The following CAMTA1 variants were observed in gnomAD, a reference collection of about 807,000 sequenced individuals.
The protein encoded by CAMTA1 is calmodulin binding transcription activator 1, also known as calmodulin-binding transcription activator 1.
In CAMTA1, 27 loss-of-function variants were observed where a neutral mutation model predicts 170.9. That is an observed-to-expected ratio of 0.16 (90% CI 0.12 to 0.22). The LOEUF (loss-of-function observed/expected upper bound fraction) is 0.22. Ranked by LOEUF, CAMTA1 falls within the 10% of genes least tolerant of loss-of-function variation. The probability of loss-of-function intolerance (pLI) is 1.00; values close to 1 mark genes in which losing one functional copy is unlikely to be tolerated. For synonymous variants in CAMTA1, 833 were observed against 891.5 expected, an observed-to-expected ratio of 0.93 and a Z score of 1.17; for missense variants, 1,619 against 2,217.2, an observed-to-expected ratio of 0.73 and a Z score of 5.42.
intron 5 of CAMTA1, among the ~76,000 whole-genome samples, chr1:7,307,087 A>G (rs973475565): frequency 6.6e-6 from 1 of 151,898 alleles, no homozygotes. Flanking sequence ...GGACAACCAT[A>G]TATCTCTCCA....
At chr1:6,908,546 A>C (rs1432181077) in intron 3 of CAMTA1, among the ~76,000 whole-genome samples, 1 of 152,244 alleles carries the variant, frequency 6.6e-6, no homozygotes, top group South Asian at 2.1e-4. Flanking sequence ...GGAGGCTCTT[A>C]GGAAAGTGGC....
intron 4 of CAMTA1, among the ~76,000 whole-genome samples, chr1:7,143,765 G>A (rs1020795711): frequency 1.1e-4 from 16 of 152,112 alleles, no homozygotes; most frequent in African/African-American, 3.9e-4. Flanking sequence ...TGACTTTTAG[G>A]GATTCAGATA....
At chr1:7,492,628 C>T (rs1011263013) in intron 6 of CAMTA1, among the ~76,000 whole-genome samples, 13 of 150,526 alleles carry the variant, frequency 8.6e-5, no homozygotes, top group South Asian at 2.1e-4. Flanking sequence ...TACATACACG[C>T]GCACACAAAC....
chr1:7,600,331 A>G (rs2095430402), intron 6 of CAMTA1, among the ~76,000 whole-genome samples: 1 of 152,026 alleles, frequency 6.6e-6, no homozygotes, highest in Admixed American at 6.5e-5. Flanking sequence ...GTGCTGCTGG[A>G]TTCAGTTTGC....
At chr1:7,126,620 A>G (rs1294099020) in intron 4 of CAMTA1, among the ~76,000 whole-genome samples, 1 of 152,248 alleles carries the variant, frequency 6.6e-6, no homozygotes, top group Non-Finnish European at 1.5e-5. Flanking sequence ...TTGTATTAAA[A>G]TAATGAATAA....
At position 7,467,349 on chromosome 1, in the gene CAMTA1, CT is replaced by C. The variant is rs979114495; in HGVS notation, c.439-480del. On this transcript the variant is annotated intron_variant, in intron 5 of 22. Transcript: ENST00000303635. The stretch of plus-strand genomic sequence containing the variant: ...GAAGTGCCGCCCCACCCTGTCCCCC[CT>C]GGTTGGGCTCGTACCGGCCAGGGCC... Among the ~76,000 whole-genome samples, 6 of 152,316 alleles carry C rather than the reference CT, an allele frequency of 3.9e-5. No homozygotes were observed. In the East Asian group the frequency reaches 9.7e-4, roughly 25 times the overall value.
At chr1:7,212,670 G>C (rs1418833704) in intron 4 of CAMTA1, among the ~76,000 whole-genome samples, 1 of 152,088 alleles carries the variant, frequency 6.6e-6, no homozygotes, top group Admixed American at 6.6e-5. Flanking sequence ...TCACAGCCAG[G>C]ATACTTGATG....
intron 3 of CAMTA1, among the ~76,000 whole-genome samples, chr1:6,831,151 T>C (rs1433679381): frequency 1.3e-5 from 2 of 152,174 alleles, no homozygotes; most frequent in Non-Finnish European, 2.9e-5. Context: ...TATTAGTATG[T>C]GGACTATGGA....
intron 4 of CAMTA1, among the ~76,000 whole-genome samples, chr1:7,247,655 C>T (rs980521997): frequency 6.6e-6 from 1 of 152,122 alleles, no homozygotes; most frequent in African/African-American, 2.4e-5. Flanking sequence ...AAACAAGTTC[C>T]CTTGCTTATT....
intron 6 of CAMTA1, among the ~76,000 whole-genome samples, chr1:7,567,235 T>C (rs2150307578): frequency 6.6e-6 from 1 of 152,248 alleles, no homozygotes; most frequent in Admixed American, 6.5e-5. Flanking sequence ...CCACTCACCA[T>C]GGAAGCATGG....
Position 7,463,564 on chromosome 1 carries a change from C to G in CAMTA1, c.439-4266C>G, listed in dbSNP as rs1179104829. On this transcript the variant is annotated intron_variant, in intron 5 of 22. Coordinates refer to ENST00000303635, the MANE Select transcript of CAMTA1 (RefSeq NM_015215.4). The surrounding 1 kb of genome is among the most constrained non-coding windows in gnomAD (Gnocchi z 4.7). ...AGACAGAGAGAGAAAGAAGATGAGACAGATACAGAGATAGAGAAAGATAGA... is the reference window on the plus strand; with the variant it reads ...AGACAGAGAGAGAAAGAAGATGAGAGAGATACAGAGATAGAGAAAGATAGA... Among the ~76,000 whole-genome samples the G allele has an allele frequency of 6.6e-6, 1 of 151,790 alleles. No individual in the cohort carries two copies. The highest frequency in any genetic ancestry group is 1.5e-5 in the Non-Finnish European group (1 of 67,978).
intron 4 of CAMTA1, among the ~76,000 whole-genome samples, chr1:7,242,149 T>C (rs1302454879): frequency 1.3e-5 from 2 of 152,172 alleles, no homozygotes. Flanking sequence ...GAGATTCAAA[T>C]AGATTCAATG....
intron 5 of CAMTA1, 67 bp from the exon 6 acceptor site, chr1:7,467,763 G>T: frequency 7.1e-7 from 1 of 1,415,380 alleles, no homozygotes; most frequent in South Asian, 1.1e-5. Flanking sequence ...CTTCTCTGTT[G>T]CGCCGTCTTC....
chr1:7,534,773 G>T lies in CAMTA1; in HGVS notation c.510+66872G>T, dbSNP rs1181750719. On this transcript the variant is annotated intron_variant, in intron 6 of 22. Coordinates refer to ENST00000303635, the MANE Select transcript of CAMTA1 (RefSeq NM_015215.4). The surrounding 1 kb of genome is among the most constrained non-coding windows in gnomAD (Gnocchi z 5.6). ...GGGGGCTGCTGCTGGGTCAGTTTGG[G>T]GTTCCACTAGCAGTCCTCAACTTTA... Among the ~76,000 whole-genome samples the T allele has an allele frequency of 1.3e-5, 2 of 152,186 alleles. No individual in the cohort carries two copies. The highest frequency in any genetic ancestry group is 4.8e-5 in the African/African-American group (2 of 41,438).
chr1:7,109,615 A>G (rs1218488486), intron 4 of CAMTA1, among the ~76,000 whole-genome samples: 3 of 152,210 alleles, frequency 2.0e-5, no homozygotes, highest in Non-Finnish European at 4.4e-5. Flanking sequence ...TTGATCAGAG[A>G]TAGCACTTGT....
At chr1:7,047,270 G>C (rs368241635) in intron 3 of CAMTA1, among the ~76,000 whole-genome samples, 94 of 152,296 alleles carry the variant, frequency 6.2e-4, no homozygotes, top group African/African-American at 2.2e-3. Context: ...ATAACATCTT[G>C]TCCTGACTAA....
At chr1:7,089,681 T>A (rs1273705756) in intron 3 of CAMTA1, among the ~76,000 whole-genome samples, 1 of 152,130 alleles carries the variant, frequency 6.6e-6, no homozygotes, top group African/African-American at 2.4e-5. Flanking sequence ...CGATAACGTG[T>A]TCCTTATCCT....
chr1:7,563,648 T>G (rs891786903), intron 6 of CAMTA1, among the ~76,000 whole-genome samples: 3 of 152,216 alleles, frequency 2.0e-5, no homozygotes, highest in African/African-American at 7.2e-5. Context: ...CTCACGGCCT[T>G]GTGATCTGAG....
intron 5 of CAMTA1, among the ~76,000 whole-genome samples, chr1:7,308,070 T>A (rs75975969): frequency 2.0e-5 from 3 of 151,852 alleles, no homozygotes; most frequent in East Asian, 1.9e-4. Flanking sequence ...TGTTTTTTTT[T>A]AAATCTGGGT....
Sources: allele counts gnomAD v4.1 joint callset (sites outside exome capture counted in the v4.1 genomes callset), GRCh38; gene constraint gnomAD v4.1.1; non-coding constraint Gnocchi (gnomAD v3.1); transcripts MANE v1.5; gene names NCBI Gene and HGNC (gene_info 2026-07-23, HGNC 2026-07-21).